RNF150: variants seen among roughly 807,000 people sequenced by gnomAD.
The protein encoded by RNF150 is ring finger protein 150.
RNF150 carries 24 observed loss-of-function variants against 39.3 expected under a neutral mutation model. The ratio of observed to expected loss-of-function variants is 0.61; its 90% confidence interval spans 0.44 to 0.86. The LOEUF (loss-of-function observed/expected upper bound fraction) is 0.86, where lower values mean the gene tolerates loss of function less well. RNF150 is among the 40% of genes least tolerant of loss of function. The pLI, the probability that RNF150 is intolerant of heterozygous loss-of-function variation, is 0.00. For synonymous variants in RNF150, 255 were observed against 227.3 expected, an observed-to-expected ratio of 1.12 and a Z score of -1.10; for missense variants, 502 against 587.8, an observed-to-expected ratio of 0.85 and a Z score of 1.51.
chr4:141,044,783 GCACACACA>G (rs1553940772), intron 1 of RNF150, among the ~76,000 whole-genome samples: 1 of 148,772 alleles, frequency 6.7e-6, no homozygotes, highest in Non-Finnish European at 1.5e-5. Context: ...ACACACACAC[GCACACACA>G]CACACACAAT....
intron 1 of RNF150, among the ~76,000 whole-genome samples, chr4:141,082,152 C>T (rs1236910435): frequency 6.6e-6 from 1 of 152,214 alleles, no homozygotes; most frequent in East Asian, 1.9e-4. Flanking sequence ...CTGTTCTGAA[C>T]TCTTCAGAGA....
intron 1 of RNF150, among the ~76,000 whole-genome samples, chr4:141,198,878 GAT>G (rs1172706418): frequency 2.0e-5 from 3 of 152,016 alleles, no homozygotes; most frequent in Non-Finnish European, 4.4e-5. Flanking sequence ...AAATAAAAAA[GAT>G]AAATTAGACT....
chr4:140,962,776 G>A (rs1021321497), intron 2 of RNF150, among the ~76,000 whole-genome samples: 5 of 151,936 alleles, frequency 3.3e-5, no homozygotes, highest in East Asian at 1.9e-4. Context: ...CACTGTGACC[G>A]TAAGAGAAAG....
chr4:141,000,018 A>T (rs1477443363), intron 1 of RNF150, among the ~76,000 whole-genome samples: 4 of 29,168 alleles, frequency 1.4e-4, no homozygotes, highest in Admixed American at 4.3e-4. Flanking sequence ...GAAGAAGAAG[A>T]AGAAGAAGAA....
chr4:140,919,812 C>T (rs2111301366), intron 5 of RNF150, among the ~76,000 whole-genome samples: 1 of 144,268 alleles, frequency 6.9e-6, no homozygotes, highest in East Asian at 2.1e-4. Flanking sequence ...GTAATCAAAA[C>T]AGCATGGTAC....
chr4:141,193,088 T>G (rs1233372180), intron 1 of RNF150, among the ~76,000 whole-genome samples: 1 of 152,254 alleles, frequency 6.6e-6, no homozygotes, highest in Non-Finnish European at 1.5e-5. Flanking sequence ...TTAGCACTTA[T>G]CTTTATCTAA....
chr4:141,046,651 A>G (rs952402742), intron 1 of RNF150, among the ~76,000 whole-genome samples: 7 of 152,004 alleles, frequency 4.6e-5, no homozygotes, highest in African/African-American at 1.7e-4. Flanking sequence ...CATTTGTTTT[A>G]TTTTGGTTTT....
At chr4:141,136,288 G>T (rs530154721), upstream of RNF150, among the ~76,000 whole-genome samples, 1 of 152,220 alleles carries the variant, frequency 6.6e-6, no homozygotes, top group African/African-American at 2.4e-5. Flanking sequence ...TGGTTGGGGG[G>T]CTATGTACAT....
At chr4:141,030,192 T>TAA (rs879912770) in intron 1 of RNF150, among the ~76,000 whole-genome samples, 1 of 123,462 alleles carries the variant, frequency 8.1e-6, no homozygotes. Flanking sequence ...AGACTCCGTC[T>TAA]AAAAAAAAAA....
At chr4:141,038,379 G>T (rs1000965450) in intron 1 of RNF150, among the ~76,000 whole-genome samples, 6 of 152,066 alleles carry the variant, frequency 3.9e-5, no homozygotes, top group Non-Finnish European at 7.4e-5. Context: ...TCTTCTGGGC[G>T]TCGAGTAATA....
chr4:140,888,819 C>T (rs935331448), intron 6 of RNF150, among the ~76,000 whole-genome samples: 3 of 152,186 alleles, frequency 2.0e-5, no homozygotes, highest in African/African-American at 4.8e-5. Context: ...GAATATAAAG[C>T]ATTCATCCCT....
intron 1 of RNF150, among the ~76,000 whole-genome samples, chr4:141,075,844 T>C: frequency 6.6e-6 from 1 of 152,164 alleles, no homozygotes; most frequent in East Asian, 1.9e-4. Context: ...ACACATTGGG[T>C]ACAGTGTACA....
chr4:141,202,920 A>C (rs1728312253), intron 1 of RNF150, among the ~76,000 whole-genome samples: 1 of 151,854 alleles, frequency 6.6e-6, no homozygotes, highest in African/African-American at 2.4e-5. Flanking sequence ...TAAATCCTTA[A>C]GAGTATGAGA....
At chr4:141,197,885 AAAT>A (rs1354932205) in intron 1 of RNF150, among the ~76,000 whole-genome samples, 3 of 152,038 alleles carry the variant, frequency 2.0e-5, no homozygotes, top group African/African-American at 7.3e-5. Context: ...CTCAAAAAAA[AAAT>A]AAATAAATAA....
Position 141,132,541 on chromosome 4 carries a change from C to T in RNF150, c.268G>A (p.Val90Met). ...TCGTGGGCCGAGCTGGCCATGACCA[C>T]CTCCCCGCGGGCGTCCTGCTTGGGC... ...HSPKQDARGEVVMASSAHDRL... is the reference protein window; with the variant it reads ...HSPKQDARGEMVMASSAHDRL... The change falls in exon 1 of 7, where the codon GTG becomes ATG. Residue 90 changes from valine to methionine, a missense_variant. Val to Met is a conservative substitution (Grantham distance 21, BLOSUM62 1). Transcript: ENST00000515673. The surrounding 1 kb of genome is among the most constrained non-coding windows in gnomAD (Gnocchi z 4.9). 1.3e-6 allele frequency: 2 copies of T among 1,597,220 alleles called. No individual in the cohort carries two copies. The highest frequency in any genetic ancestry group is 2.7e-5 in the African/African-American group (2 of 74,802).
chr4:141,135,359 T>C (rs1487482919), upstream of RNF150, among the ~76,000 whole-genome samples: 1 of 152,244 alleles, frequency 6.6e-6, no homozygotes, highest in Non-Finnish European at 1.5e-5. Flanking sequence ...GCAAGCTGGC[T>C]GATTATAGGG....
At chr4:140,992,478 G>T (rs752470389) in intron 1 of RNF150, among the ~76,000 whole-genome samples, 2 of 152,154 alleles carry the variant, frequency 1.3e-5, no homozygotes, top group African/African-American at 2.4e-5. Context: ...TCTTTCTGGG[G>T]CAGGCTTGGG....
intron 1 of RNF150, among the ~76,000 whole-genome samples, chr4:141,078,930 TA>T (rs1262861060): frequency 6.7e-6 from 1 of 148,446 alleles, no homozygotes; most frequent in Non-Finnish European, 1.5e-5. Flanking sequence ...TATATACATA[TA>T]TATACACACA....
At chr4:141,006,631 A>G (rs1180771278) in intron 1 of RNF150, among the ~76,000 whole-genome samples, 1 of 152,172 alleles carries the variant, frequency 6.6e-6, no homozygotes, top group East Asian at 1.9e-4. Context: ...ATCCTTATCT[A>G]TTTCAAAGGG....
Sources: gnomAD v4.1 joint callset for allele counts (sites outside exome capture counted in the v4.1 genomes callset) on GRCh38, gnomAD v4.1.1 for gene constraint, Gnocchi (gnomAD v3.1) non-coding constraint, MANE v1.5 for transcripts, NCBI Gene and HGNC (gene_info 2026-07-23, HGNC 2026-07-21) for gene names.